Variants in FRMD5 observed in about 807,000 individuals in gnomAD.
FRMD5 encodes FERM domain containing 5.
In FRMD5, 20 loss-of-function variants were observed where a neutral mutation model predicts 69.0. That is an observed-to-expected ratio of 0.29 (90% confidence interval 0.20 to 0.42). The LOEUF (loss-of-function observed/expected upper bound fraction) is 0.42, where lower values mean the gene tolerates loss of function less well. Ranked by LOEUF, FRMD5 falls within the 10% of genes least tolerant of loss-of-function variation. The probability of loss-of-function intolerance (pLI) is 1.00; values close to 1 mark genes in which losing one functional copy is unlikely to be tolerated. For synonymous variants in FRMD5, 271 were observed against 260.1 expected, an observed-to-expected ratio of 1.04 and a Z score of -0.40; for missense variants, 595 against 708.6, an observed-to-expected ratio of 0.84 and a Z score of 1.82.
intron 1 of FRMD5, among the ~76,000 whole-genome samples, chr15:43,984,917 G>T (rs1889310097): frequency 6.6e-6 from 1 of 151,796 alleles, no homozygotes; most frequent in East Asian, 1.9e-4. Flanking sequence ...CTGGGAGGTG[G>T]AGGTTGCAGT....
intron 1 of FRMD5, among the ~76,000 whole-genome samples, chr15:44,091,834 T>C (rs754276458): frequency 6.6e-6 from 1 of 152,104 alleles, no homozygotes; most frequent in Non-Finnish European, 1.5e-5. Flanking sequence ...TAGAATTGTG[T>C]GCTGCCTGAG....
intron 1 of FRMD5, among the ~76,000 whole-genome samples, chr15:44,175,900 A>G (rs985130184): frequency 6.6e-6 from 1 of 152,206 alleles, no homozygotes; most frequent in African/African-American, 2.4e-5. Context: ...ATGGAAATAC[A>G]TCCTACATTC....
chr15:44,109,617 A>G (rs1291771874), intron 1 of FRMD5, among the ~76,000 whole-genome samples: 1 of 152,024 alleles, frequency 6.6e-6, no homozygotes. Context: ...TACATTTGTT[A>G]TAATCAATAC....
intron 2 of FRMD5, among the ~76,000 whole-genome samples, chr15:43,922,083 T>A (rs589649): frequency 0.27 from 41,370 of 151,770 alleles, 10,624 homozygotes; most frequent in African/African-American, 0.68. Flanking sequence ...CAACCCTCAG[T>A]TACTGTCTCA....
chr15:44,056,163 C>G (rs184189166), intron 1 of FRMD5, among the ~76,000 whole-genome samples: 5 of 152,300 alleles, frequency 3.3e-5, no homozygotes, highest in African/African-American at 1.2e-4. Context: ...TTCTTTCTGA[C>G]AACTTGGCCT....
intron 2 of FRMD5, among the ~76,000 whole-genome samples, chr15:43,923,857 C>T (rs184057664): frequency 6.6e-6 from 1 of 152,330 alleles, no homozygotes; most frequent in East Asian, 1.9e-4. Flanking sequence ...CTAACCAGTA[C>T]AATGTGCTTC....
At chr15:44,113,692 G>A (rs1295500378) in intron 1 of FRMD5, among the ~76,000 whole-genome samples, 2 of 151,944 alleles carry the variant, frequency 1.3e-5, no homozygotes, top group South Asian at 2.1e-4. Flanking sequence ...AACCATTCCC[G>A]CTTCCCCTCC....
intron 1 of FRMD5, among the ~76,000 whole-genome samples, chr15:44,183,843 G>A (rs1396257780): frequency 6.6e-6 from 1 of 152,034 alleles, no homozygotes; most frequent in Non-Finnish European, 1.5e-5. Context: ...TTAGCCAGGT[G>A]TGGTGACTTG....
chr15:43,954,022 C>A (rs2090076823), intron 1 of FRMD5, among the ~76,000 whole-genome samples: 1 of 152,184 alleles, frequency 6.6e-6, no homozygotes, highest in Non-Finnish European at 1.5e-5. Flanking sequence ...TGAAAAAGTT[C>A]TGTGCTACCT....
chr15:44,169,116 ATACT>A (rs2077758261), intron 1 of FRMD5, among the ~76,000 whole-genome samples: 1 of 152,194 alleles, frequency 6.6e-6, no homozygotes, highest in Admixed American at 6.5e-5. Context: ...ATCTAATAAA[ATACT>A]TACTTTTGGC....
At chr15:44,001,611 G>T (rs920862226) in intron 1 of FRMD5, among the ~76,000 whole-genome samples, 9 of 138,106 alleles carry the variant, frequency 6.5e-5, no homozygotes, top group Non-Finnish European at 7.9e-5. Flanking sequence ...CAATTTTATT[G>T]TTTTTTTTTT....
intron 1 of FRMD5, among the ~76,000 whole-genome samples, chr15:44,025,101 G>A (rs1459882059): frequency 2.0e-5 from 3 of 152,150 alleles, no homozygotes; most frequent in African/African-American, 7.2e-5. Context: ...GGTATTGTGA[G>A]GAATAGAGTT....
chr15:44,050,431 C>T (rs1454393460), intron 1 of FRMD5, among the ~76,000 whole-genome samples: 5 of 151,712 alleles, frequency 3.3e-5, no homozygotes, highest in Non-Finnish European at 7.4e-5. Context: ...GTGACCATGG[C>T]TCACTGCAGC....
At chr15:43,939,992 C>T (rs1251175704) in intron 1 of FRMD5, among the ~76,000 whole-genome samples, 2 of 152,136 alleles carry the variant, frequency 1.3e-5, no homozygotes, top group Non-Finnish European at 2.9e-5. Context: ...GCCTGGCCAA[C>T]AGGGTGAAAC....
intron 1 of FRMD5, among the ~76,000 whole-genome samples, chr15:43,974,126 TG>T (rs1233214257): frequency 1.3e-5 from 2 of 151,972 alleles, no homozygotes; most frequent in Non-Finnish European, 2.9e-5. Flanking sequence ...GTGGAACAGT[TG>T]GAATCAGCAG....
At chr15:44,046,759 C>A (rs1892446128) in intron 1 of FRMD5, among the ~76,000 whole-genome samples, 1 of 152,150 alleles carries the variant, frequency 6.6e-6, no homozygotes, top group Non-Finnish European at 1.5e-5. Context: ...CTTGGAAACA[C>A]CACAATACAT....
intron 1 of FRMD5, among the ~76,000 whole-genome samples, chr15:43,993,012 T>C (rs1359275784): frequency 6.6e-6 from 1 of 152,222 alleles, no homozygotes; most frequent in East Asian, 1.9e-4. Context: ...TCTTGACCTA[T>C]TTGTTGTTTA....
chr15:44,123,286 G>A (rs1275343938), intron 1 of FRMD5, among the ~76,000 whole-genome samples: 9 of 151,648 alleles, frequency 5.9e-5, no homozygotes, highest in Non-Finnish European at 1.0e-4. Flanking sequence ...CACAGGTTGC[G>A]GTGAGCTGAG....
At chr15:44,095,269 T>G (rs1018747412) in intron 1 of FRMD5, among the ~76,000 whole-genome samples, 1 of 151,780 alleles carries the variant, frequency 6.6e-6, no homozygotes, top group African/African-American at 2.4e-5. Flanking sequence ...GTGGTACAAC[T>G]GTGGTTCACT....
Sources: allele counts gnomAD v4.1 joint callset (sites outside exome capture counted in the v4.1 genomes callset), GRCh38; gene constraint gnomAD v4.1.1; transcripts MANE v1.5; gene names NCBI Gene and HGNC (gene_info 2026-07-23, HGNC 2026-07-21).